The following BICDL1 variants were observed in gnomAD, a reference collection of about 807,000 sequenced individuals.
The protein encoded by BICDL1 is BICD family-like cargo adapter 1.
A neutral mutation model predicts 76.8 loss-of-function variants in BICDL1; 20 were observed. The observed-to-expected ratio is 0.26, with a 90% CI of 0.18 to 0.38. The LOEUF (loss-of-function observed/expected upper bound fraction) is 0.38. Among genes scored for constraint, BICDL1 ranks in the 10% least tolerant of loss-of-function variants. BICDL1 has a pLI of 1.00. For synonymous variants in BICDL1, 383 were observed against 337.1 expected (o/e 1.14, Z -1.49); for missense variants, 700 against 798.6 (o/e 0.88, Z 1.49).
At chr12:120,022,010 T>C (rs1762467622) in intron 2 of BICDL1, among the ~76,000 whole-genome samples, 1 of 148,160 alleles carries the variant, frequency 6.7e-6, no homozygotes, top group African/African-American at 2.5e-5. Flanking sequence ...AATAAAATAA[T>C]GACTTTTACA....
chr12:120,012,062 C>G (rs1951964703), intron 2 of BICDL1, among the ~76,000 whole-genome samples: 1 of 152,182 alleles, frequency 6.6e-6, no homozygotes, highest in Admixed American at 6.5e-5. Flanking sequence ...TATATCATGT[C>G]TGGTAACTTT....
intron 2 of BICDL1, among the ~76,000 whole-genome samples, chr12:120,014,432 G>T (rs528708466): frequency 5.9e-5 from 9 of 152,148 alleles, no homozygotes; most frequent in Non-Finnish European, 1.3e-4. Context: ...AGTGGCTCAC[G>T]TCTGTAATCT....
chr12:120,005,860 A>G (rs1474674800), intron 2 of BICDL1, among the ~76,000 whole-genome samples: 2 of 152,220 alleles, frequency 1.3e-5, no homozygotes, highest in Admixed American at 6.5e-5. Context: ...TAGTGTTACA[A>G]ATACTGCTGC....
chr12:120,089,303 TGG>T (rs1491233093), intron 8 of BICDL1, among the ~76,000 whole-genome samples: 4 of 123,570 alleles, frequency 3.2e-5, no homozygotes, highest in Admixed American at 2.9e-4. Context: ...TGTGTGTGTG[TGG>T]GGTGTGACGG....
At chr12:120,060,097 T>C (rs540530287) in intron 2 of BICDL1, among the ~76,000 whole-genome samples, 1 of 152,338 alleles carries the variant, frequency 6.6e-6, no homozygotes, top group Non-Finnish European at 1.5e-5. Context: ...TCCTTGTTAA[T>C]TGGGGGTAAC....
chr12:120,071,696 C>T lies in BICDL1; in HGVS notation c.984C>T (p.Leu328=). The part of the protein sequence containing the change: ...CRQLQVKVEE[L]TEERSLQSSA... ...AGCTGCAGGTGAAGGTGGAAGAACTCACTGAGGAGAGGAGTCTGCAGAGCT... is the reference window on the plus strand; with the variant it reads ...AGCTGCAGGTGAAGGTGGAAGAACTTACTGAGGAGAGGAGTCTGCAGAGCT... The change falls in exon 5 of 10, where the codon CTC becomes CTT. Residue 328 remains leucine, a synonymous_variant. Transcript: ENST00000548673. This position sits in a 1 kb window ranked among gnomAD's most constrained non-coding sequence, Gnocchi z 4.8. 1 of 1,612,606 alleles carries T rather than the reference C, an allele frequency of 6.2e-7. No individual in the cohort carries two copies. The highest frequency in any genetic ancestry group is 8.5e-7 in the Non-Finnish European group (1 of 1,179,816).
chr12:120,026,402 G>A (rs997902719), intron 2 of BICDL1, among the ~76,000 whole-genome samples: 4 of 152,064 alleles, frequency 2.6e-5, no homozygotes, highest in African/African-American at 9.7e-5. Flanking sequence ...GTAGGCTTAA[G>A]TTTTCTTCCC....
In BICDL1 at chr12:120,033,375, T is replaced by TTTTC. The variant is rs1321042790; in HGVS notation, c.646-28332_646-28331insCTTT. Among the ~76,000 whole-genome samples the TTTTC allele has an allele frequency of 2.5e-5, 3 of 121,282 alleles. 1 individual carries two copies. Among genetic ancestry groups the TTTTC allele is most frequent in the African/African-American group, 1.1e-4 (3 of 26,162 alleles). 79.6% of individuals were successfully genotyped at this position (121,282 alleles called of 152,430 possible). ...CTGTGGAGAGTTCTTGCCTTTTTTT[T>TTTTC]TTTTTTTTTTTTTGTGGGGGAGATG... On this transcript the variant is annotated intron_variant, in intron 2 of 9. Coordinates refer to ENST00000548673, the MANE Select transcript of BICDL1 (RefSeq NM_001367886.1).
intron 9 of BICDL1, chr12:120,092,148 A>G (rs1875027673): frequency 1.0e-6 from 1 of 985,328 alleles, no homozygotes; most frequent in African/African-American, 1.7e-5. Context: ...ACTTTTGTCA[A>G]ATGGAGTCTT....
At chr12:120,037,945 A>G (rs1330355886) in intron 2 of BICDL1, among the ~76,000 whole-genome samples, 2 of 152,204 alleles carry the variant, frequency 1.3e-5, no homozygotes, top group African/African-American at 4.8e-5. Context: ...TTGCTCCCTC[A>G]CTATCCTAGA....
chr12:119,995,215 A>C (rs1951616658), intron 1 of BICDL1, among the ~76,000 whole-genome samples: 1 of 152,242 alleles, frequency 6.6e-6, no homozygotes, highest in South Asian at 2.1e-4. Flanking sequence ...TGGTTAATTT[A>C]GCACTTAATT....
rs777352984 is a variant in BICDL1 at position 120,080,900 on chromosome 12, G to A, written c.1466G>A (p.Ser489Asn). Residue 489 changes from serine (S) to asparagine (N), a missense_variant, in exon 8 of 10, where the codon AGT becomes AAT. By Grantham distance (46) the Ser-to-Asn change is conservative. This residue lies in a region of BICDL1 where 455 missense variants were observed against 548.7 expected (regional missense o/e 0.83). Transcript: ENST00000548673. Reference protein sequence around the residue: ...QRLHSQVTLLSVEMTALKEER... With the variant: ...QRLHSQVTLLNVEMTALKEER... ...TTCTCCTGTTAGGTGACACTGCTGA[G>A]TGTGGAGATGACTGCCCTAAAAGAG... is the stretch of plus-strand genomic sequence containing the variant. The A allele has an allele frequency of 4.8e-5, 78 of 1,613,466 alleles. No individual in the cohort carries two copies. Among genetic ancestry groups the A allele is most frequent in the Middle Eastern group, 1.6e-4 (1 of 6,082 alleles).
rs1441093163 is a variant in BICDL1 at position 120,071,828 on chromosome 12, G to A, written c.1089+27G>A. ...TGCTGACCTGCCTGTCACCCCACAGGCGAGGCTACCTGGGGTTGCTTAGGT... is the reference window on the plus strand; with the variant it reads ...TGCTGACCTGCCTGTCACCCCACAGACGAGGCTACCTGGGGTTGCTTAGGT... On this transcript the variant is annotated intron_variant, in intron 5 of 9. Coordinates refer to ENST00000548673, the MANE Select transcript of BICDL1 (RefSeq NM_001367886.1). The surrounding 1 kb of genome is among the most constrained non-coding windows in gnomAD (Gnocchi z 4.8). 1 of 1,565,254 alleles carries A rather than the reference G, an allele frequency of 6.4e-7. No homozygotes were observed. The highest frequency in any genetic ancestry group is 1.9e-5 in the Admixed American group (1 of 52,922).
chr12:120,020,132 C>T (rs2138706928), intron 2 of BICDL1, among the ~76,000 whole-genome samples: 1 of 152,300 alleles, frequency 6.6e-6, no homozygotes. Context: ...AACCAGGGCT[C>T]TCTGGAGAAA....
intron 2 of BICDL1, among the ~76,000 whole-genome samples, chr12:120,025,199 C>T (rs561057153): frequency 2.6e-4 from 39 of 151,994 alleles, no homozygotes; most frequent in Non-Finnish European, 4.6e-4. Flanking sequence ...TACAGGCGCC[C>T]GCCACCTCGC....
intron 6 of BICDL1, among the ~76,000 whole-genome samples, chr12:120,073,139 G>T (rs1480979900): frequency 6.6e-6 from 1 of 152,206 alleles, no homozygotes; most frequent in Non-Finnish European, 1.5e-5. Flanking sequence ...CTCCTAAAGT[G>T]CTGGGATTGC....
chr12:120,035,664 A>G (rs1185083657), intron 2 of BICDL1, among the ~76,000 whole-genome samples: 1 of 152,126 alleles, frequency 6.6e-6, no homozygotes, highest in Non-Finnish European at 1.5e-5. Context: ...ATTTTTTTTC[A>G]AAAAACCATG....
chr12:120,048,800 A>C (rs1952798783), intron 2 of BICDL1, among the ~76,000 whole-genome samples: 1 of 152,170 alleles, frequency 6.6e-6, no homozygotes, highest in South Asian at 2.1e-4. Flanking sequence ...CCACACAGAA[A>C]GGCTTATTAA....
intron 2 of BICDL1, among the ~76,000 whole-genome samples, chr12:120,008,185 A>T (rs1951886452): frequency 9.5e-6 from 1 of 105,724 alleles, no homozygotes; most frequent in African/African-American, 3.8e-5. Context: ...TTGAGACAGG[A>T]TCTCACTCTA....
Sources: allele counts gnomAD v4.1 joint callset (sites outside exome capture counted in the v4.1 genomes callset), GRCh38; gene constraint gnomAD v4.1.1; regional missense constraint gnomAD v4.1.1; non-coding constraint Gnocchi (gnomAD v3.1); transcripts MANE v1.5; gene names NCBI Gene and HGNC (gene_info 2026-07-23, HGNC 2026-07-21).